Variants in SHB observed in about 807,000 individuals in gnomAD.
SHB encodes SH2 domain containing adaptor protein B.
SHB carries 20 observed loss-of-function variants against 52.3 expected under a neutral mutation model. The observed-to-expected ratio is 0.38, with a 90% CI of 0.27 to 0.56. The LOEUF (loss-of-function observed/expected upper bound fraction) is 0.56, where lower values mean the gene tolerates loss of function less well. SHB is among the 20% of genes least tolerant of loss of function. SHB has a pLI of 0.71. For synonymous variants in SHB, 397 were observed against 316.5 expected (o/e 1.25, Z -2.70); for missense variants, 825 against 723.3 (o/e 1.14, Z -1.61).
At chr9:38,008,427 G>A (rs1821097139) in intron 2 of SHB, among the ~76,000 whole-genome samples, 1 of 152,218 alleles carries the variant, frequency 6.6e-6, no homozygotes, top group African/African-American at 2.4e-5. Context: ...ATTTACACTT[G>A]ATGATCTCCT....
rs1366812044 is a variant in SHB, at chr9:37,986,420, G to A, written c.839-11583C>T. ...CCCACAGAAGGTGGGGCCAGCTATG[G>A]AGGATCTGGGATGCCAGGACTAGGG... On this transcript the variant is annotated intron_variant, in intron 2 of 5. Transcript: ENST00000377707. Among the ~76,000 whole-genome samples the A allele has an allele frequency of 4.6e-5, 7 of 152,152 alleles. No individual in the cohort carries two copies. In the East Asian group the frequency reaches 1.3e-3, roughly 29 times the overall value.
At chr9:38,012,368 C>T (rs751839029) in intron 2 of SHB, among the ~76,000 whole-genome samples, 2 of 152,176 alleles carry the variant, frequency 1.3e-5, no homozygotes, top group Non-Finnish European at 2.9e-5. Flanking sequence ...TTTAACCTCT[C>T]TGTGCCTTGG....
intron 5 of SHB, among the ~76,000 whole-genome samples, chr9:37,942,962 T>C (rs764345499): frequency 2.0e-5 from 3 of 152,160 alleles, no homozygotes; most frequent in Admixed American, 6.5e-5. Flanking sequence ...CCAGTACTCA[T>C]GGGCCCCCTA....
In SHB at chr9:37,974,731, T is replaced by C. The variant is rs768899169; in HGVS notation, c.945A>G (p.Thr315=). ...TGCTCTCCCGCAGTCGGGGGCTGAC[T>C]GTGCTCTCCGAGTCTGAGTCAACAC... is the stretch of plus-strand genomic sequence containing the variant. ...GQSVDSDSES[T]VSPRLRESKL... The change falls in exon 3 of 6, where the codon ACA becomes ACG. Residue 315 remains threonine (T), a synonymous_variant. Coordinates refer to ENST00000377707, the MANE Select transcript of SHB (RefSeq NM_003028.3). The C allele has an allele frequency of 1.9e-6, 3 of 1,614,024 alleles. No homozygotes were observed. Among genetic ancestry groups the C allele is most frequent in the Non-Finnish European group, 2.5e-6 (3 of 1,180,012 alleles).
chr9:37,985,735 A>G (rs1820798214), intron 2 of SHB, among the ~76,000 whole-genome samples: 1 of 152,194 alleles, frequency 6.6e-6, no homozygotes, highest in South Asian at 2.1e-4. Context: ...GCCACATTAG[A>G]CCTGAGGCCA....
chr9:37,987,754 G>A (rs1820829078), intron 2 of SHB, among the ~76,000 whole-genome samples: 1 of 152,190 alleles, frequency 6.6e-6, no homozygotes, highest in African/African-American at 2.4e-5. Flanking sequence ...GTATCACGAG[G>A]AAGAGAGTGG....
chr9:37,971,138 C>T (rs1820586193), intron 3 of SHB, among the ~76,000 whole-genome samples: 2 of 152,134 alleles, frequency 1.3e-5, no homozygotes, highest in Admixed American at 1.3e-4. Context: ...AAGGATGGGG[C>T]CCAGCCAAGC....
At chr9:37,922,071 G>A (rs1832187996) in intron 5 of SHB, among the ~76,000 whole-genome samples, 1 of 152,200 alleles carries the variant, frequency 6.6e-6, no homozygotes, top group Non-Finnish European at 1.5e-5. Flanking sequence ...TGCACTGAGT[G>A]GCCTTACGTT....
chr9:37,968,443 G>A (rs539436474), intron 3 of SHB, among the ~76,000 whole-genome samples: 52 of 152,338 alleles, frequency 3.4e-4, no homozygotes, highest in African/African-American at 1.3e-3. Flanking sequence ...AACTTCTAGG[G>A]CAGAGAAATC....
intron 1 of SHB, among the ~76,000 whole-genome samples, chr9:38,029,792 G>A (rs1821390415): frequency 2.0e-5 from 3 of 152,150 alleles, no homozygotes; most frequent in African/African-American, 7.2e-5. Flanking sequence ...CACCCGGCCT[G>A]CTATGAGATT....
intron 1 of SHB, among the ~76,000 whole-genome samples, chr9:38,031,576 A>G (rs1016569775): frequency 2.6e-5 from 4 of 152,088 alleles, no homozygotes; most frequent in African/African-American, 9.7e-5. Context: ...TATGATGTCA[A>G]TGGTCTGGTG....
chr9:37,966,624 A>T (rs1274436816), intron 3 of SHB, among the ~76,000 whole-genome samples: 1 of 152,182 alleles, frequency 6.6e-6, no homozygotes, highest in African/African-American at 2.4e-5. Context: ...ACAATTGTTA[A>T]TTTCCTCACA....
intron 1 of SHB, among the ~76,000 whole-genome samples, chr9:38,027,909 G>A (rs1821364883): frequency 6.6e-6 from 1 of 151,876 alleles, no homozygotes; most frequent in Non-Finnish European, 1.5e-5. Flanking sequence ...CCTGGAGAGG[G>A]ATGGAGCTGA....
intron 2 of SHB, among the ~76,000 whole-genome samples, chr9:37,981,482 A>G (rs1356951266): frequency 6.9e-6 from 1 of 144,122 alleles, no homozygotes; most frequent in Non-Finnish European, 1.5e-5. Context: ...TTGAGCTTCT[A>G]TCTAGACCAA....
chr9:38,016,445 G>A (rs954641576), intron 1 of SHB, among the ~76,000 whole-genome samples: 9 of 152,238 alleles, frequency 5.9e-5, no homozygotes, highest in African/African-American at 2.2e-4. Context: ...GCGAGAACCT[G>A]GAGGGCATCC....
At position 37,920,021 on chromosome 9, in the gene SHB, G is replaced by T; in HGVS notation, c.1347-17C>A. ...TGGTTGCTCCTGTGAACAAAACACA[G>T]AGTTATCAGAACTACCCCCCTGACA... On this transcript the variant is annotated splice_polypyrimidine_tract_variant and intron_variant, in intron 5 of 5. Coordinates refer to ENST00000377707, the MANE Select transcript of SHB (RefSeq NM_003028.3). The T allele has an allele frequency of 6.2e-7, 1 of 1,608,500 alleles. No individual in the cohort carries two copies. Among genetic ancestry groups the T allele is most frequent in the South Asian group, 1.1e-5 (1 of 90,798 alleles).
intron 1 of SHB, among the ~76,000 whole-genome samples, chr9:38,065,196 G>A (rs1821945710): frequency 6.6e-6 from 1 of 152,180 alleles, no homozygotes; most frequent in African/African-American, 2.4e-5. Flanking sequence ...AGTGTGCCTG[G>A]CCTCCCAAAA....
chr9:38,031,386 A>C (rs978369983), intron 1 of SHB, among the ~76,000 whole-genome samples: 11 of 152,238 alleles, frequency 7.2e-5, no homozygotes, highest in African/African-American at 2.4e-4. Flanking sequence ...AACAGTAAAA[A>C]GGTAAAAAGG....
chr9:37,943,148 C>T (rs1476014189), intron 5 of SHB, among the ~76,000 whole-genome samples: 3 of 152,188 alleles, frequency 2.0e-5, no homozygotes, highest in Non-Finnish European at 4.4e-5. Context: ...CAAGCTCCGC[C>T]CTGCCCTGTC....
Sources: gnomAD v4.1 joint callset for allele counts (sites outside exome capture counted in the v4.1 genomes callset) on GRCh38, gnomAD v4.1.1 for gene constraint, MANE v1.5 for transcripts, NCBI Gene and HGNC (gene_info 2026-07-23, HGNC 2026-07-21) for gene names.